SMARCA4: variants seen among roughly 807,000 people sequenced by gnomAD.
SMARCA4 encodes SWI/SNF-related matrix-associated actin-dependent regulator of chromatin subfamily A member 4.
A neutral mutation model predicts 193.9 loss-of-function variants in SMARCA4; 31 were observed. The ratio of observed to expected loss-of-function variants is 0.16; its 90% CI spans 0.12 to 0.22. The LOEUF (loss-of-function observed/expected upper bound fraction) is 0.22, where lower values mean the gene tolerates loss of function less well. Ranked by LOEUF, SMARCA4 falls within the 10% of genes least tolerant of loss-of-function variation. The pLI is 1.00. For synonymous variants in SMARCA4, 942 were observed against 933.1 expected (o/e 1.01, Z -0.17); for missense variants, 1,148 against 2,296.0 (o/e 0.50, Z 10.22).
In SMARCA4 at chr19:11,041,538, G is replaced by T. The variant is rs1600469287; in HGVS notation, c.4402G>T (p.Ala1468Ser). ...LTKKMKKIVD[A>S]VIKYKDSSSG... ...CAAGAAGATGAAGAAGATTGTGGATGCCGTGATCAAGTACAAGGACAGGTA... is the reference window on the plus strand; with the variant it reads ...CAAGAAGATGAAGAAGATTGTGGATTCCGTGATCAAGTACAAGGACAGGTA... The change falls in exon 30 of 35, where the codon GCC becomes TCC. Residue 1468 changes from alanine (A) to serine (S), a missense_variant. Ala to Ser is a moderately conservative substitution (Grantham distance 99, BLOSUM62 1). Around this residue, in one of 17 missense-constraint regions of SMARCA4, gnomAD observed 141 missense variants for 193.0 expected, o/e 0.73. Coordinates refer to ENST00000344626, the MANE Select transcript of SMARCA4 (RefSeq NM_003072.5). The surrounding 1 kb of genome is among the most constrained non-coding windows in gnomAD (Gnocchi z 5.6). 1 of 1,613,672 alleles carries T rather than the reference G, an allele frequency of 6.2e-7. No individual in the cohort carries two copies. Among genetic ancestry groups the T allele is most frequent in the Non-Finnish European group, 8.5e-7 (1 of 1,179,996 alleles).
chr19:10,962,279 G>A (rs2083871386), intron 1 of SMARCA4, among the ~76,000 whole-genome samples: 1 of 152,140 alleles, frequency 6.6e-6, no homozygotes, highest in South Asian at 2.1e-4. Flanking sequence ...TATTGTAATT[G>A]TCTGGTCCAA....
intron 16 of SMARCA4, among the ~76,000 whole-genome samples, chr19:11,016,786 C>T (rs2089405222): frequency 6.6e-6 from 1 of 152,116 alleles, no homozygotes; most frequent in Non-Finnish European, 1.5e-5. Context: ...TTTCAGTTGG[C>T]TCTTCTGTCC....
At chr19:10,963,263 C>T (rs1021188699) in intron 1 of SMARCA4, among the ~76,000 whole-genome samples, 1 of 150,802 alleles carries the variant, frequency 6.6e-6, no homozygotes, top group Non-Finnish European at 1.5e-5. Context: ...GTCCCAACTA[C>T]TCAGGAGGCT....
chr19:11,059,929 C>T (rs372031099), intron 33 of SMARCA4, 44 bp downstream of exon 33: 71 of 1,613,368 alleles, frequency 4.4e-5, no homozygotes, highest in Middle Eastern at 1.7e-4. Flanking sequence ...CACGCTGGCC[C>T]GAGAGCCCCC....
chr19:11,048,547 T>C (rs2076079249), intron 30 of SMARCA4, among the ~76,000 whole-genome samples: 1 of 152,224 alleles, frequency 6.6e-6, no homozygotes, highest in Admixed American at 6.5e-5. Flanking sequence ...CGTTGTCCTC[T>C]GGATTCGGTG....
chr19:11,054,092 T>C (rs919028679), intron 30 of SMARCA4, among the ~76,000 whole-genome samples: 7 of 152,194 alleles, frequency 4.6e-5, no homozygotes, highest in African/African-American at 1.4e-4. Context: ...TAGGGCCACA[T>C]TGTAGAATGG....
intron 30 of SMARCA4, among the ~76,000 whole-genome samples, chr19:11,057,788 A>G (rs1244072582): frequency 6.6e-6 from 1 of 152,056 alleles, no homozygotes; most frequent in Non-Finnish European, 1.5e-5. Flanking sequence ...TCTCTGGGAA[A>G]TGTTCCAGAA....
chr19:10,998,617 C>G (rs1392447934), intron 11 of SMARCA4, among the ~76,000 whole-genome samples: 1 of 151,490 alleles, frequency 6.6e-6, no homozygotes, highest in Admixed American at 6.6e-5. Flanking sequence ...GTAGGAAAAG[C>G]TTTCTCTTTG....
chr19:11,003,302 T>C (rs2146106134), intron 12 of SMARCA4, 38 bp from the exon 13 acceptor site: 1 of 1,606,748 alleles, frequency 6.2e-7, no homozygotes, highest in Non-Finnish European at 8.5e-7. Context: ...CTGCTGGCTC[T>C]GAGCAGATTT....
intron 25 of SMARCA4, chr19:11,032,299 G>C (rs927619276): frequency 2.6e-5 from 4 of 152,376 alleles, no homozygotes; most frequent in Admixed American, 2.6e-4. Context: ...TACTCACCCT[G>C]GTCCTGCAGC....
intron 23 of SMARCA4, among the ~76,000 whole-genome samples, chr19:11,026,889 CT>C (rs2090304405): frequency 2.6e-5 from 4 of 152,340 alleles, no homozygotes; most frequent in Admixed American, 2.6e-4. Context: ...ACAGATCCCA[CT>C]CTGCCGCCTC....
Position 11,059,793 on chromosome 19 carries a change from G to A in SMARCA4, c.4676G>A (p.Ser1559Asn), listed in dbSNP as rs2147113919. The A allele has an allele frequency of 6.2e-7, 1 of 1,606,110 alleles. No individual in the cohort carries two copies. The highest frequency in any genetic ancestry group is 8.5e-7 in the Non-Finnish European group (1 of 1,176,290). Reference sequence around the variant, plus strand: ...ATCGTCTTGCAGTCGGTCTTCACCAGCGTGCGGCAGAAAATCGAGAAGGAG... The same window carrying A: ...ATCGTCTTGCAGTCGGTCTTCACCAACGTGCGGCAGAAAATCGAGAAGGAG... ...DSIVLQSVFT[S>N]VRQKIEKEDD... is the part of the protein sequence containing the mutation. Residue 1559 changes from serine to asparagine, a missense_variant, in exon 33 of 35, where the codon AGC becomes AAC. By Grantham distance (46) the Ser-to-Asn change is conservative (BLOSUM62 1). Around this residue, in one of 17 missense-constraint regions of SMARCA4, gnomAD observed 105 missense variants for 133.7 expected, o/e 0.79. Transcript: ENST00000344626.
At position 10,985,166 on chromosome 19, in the gene SMARCA4, C is replaced by G. The variant is rs959068888; in HGVS notation, c.223-107C>G. On this transcript the variant is annotated intron_variant, in intron 2 of 34. Coordinates refer to ENST00000344626, the MANE Select transcript of SMARCA4 (RefSeq NM_003072.5). The surrounding 1 kb of genome is among the most constrained non-coding windows in gnomAD (Gnocchi z 4.5). ...GGACTGGGGAGATGCGCGTCATCTT[C>G]GGGTGGCTGTTCTCGGTGCCCTCGA... is the stretch of plus-strand genomic sequence containing the variant. The G allele has an allele frequency of 4.3e-6, 5 of 1,162,756 alleles. No homozygotes were observed. The Admixed American group carries it at 5.3e-5, about 12-fold the overall frequency. The allele number at this position is 1,162,756 out of a possible 1,614,324, so 72.0% of individuals were successfully genotyped here. A position where few individuals can be genotyped will look rare whatever the true frequency, so the allele number is the denominator to read the frequency against.
chr19:10,976,646 A>G (rs948760960), intron 1 of SMARCA4, among the ~76,000 whole-genome samples: 18 of 151,090 alleles, frequency 1.2e-4, no homozygotes, highest in African/African-American at 3.9e-4. Context: ...AGTCCCAGCT[A>G]CTCGGGAAGT....
chr19:10,970,835 A>G (rs529777359), intron 1 of SMARCA4, among the ~76,000 whole-genome samples: 1 of 152,346 alleles, frequency 6.6e-6, no homozygotes, highest in South Asian at 2.1e-4. Flanking sequence ...GTTCTCGGTT[A>G]TGAGAGTATA....
At chr19:11,026,214 C>A in intron 22 of SMARCA4, 86 bp from the exon 23 acceptor site, 1 of 1,083,706 alleles carries the variant, frequency 9.2e-7, no homozygotes, top group Non-Finnish European at 1.4e-6. Flanking sequence ...GCTTTGTCCT[C>A]TGAGCACGAG....
intron 30 of SMARCA4, among the ~76,000 whole-genome samples, chr19:11,057,198 T>C (rs978385832): frequency 6.6e-6 from 1 of 152,332 alleles, no homozygotes; most frequent in Admixed American, 6.5e-5. Context: ...GCGTTTGCCA[T>C]GCGTTCTCAT....
At chr19:11,025,367 C>G in intron 21 of SMARCA4, 55 bp from the exon 22 acceptor site, 2 of 1,256,532 alleles carry the variant, frequency 1.6e-6, no homozygotes, top group Admixed American at 1.7e-5. Flanking sequence ...CCACCAAGCC[C>G]ACCCCACCCC....
Position 11,031,084 on chromosome 19 carries a change from A to G in SMARCA4, c.3546+191A>G. The G allele has an allele frequency of 1.6e-6, 1 of 644,040 alleles. No individual in the cohort carries two copies. Among genetic ancestry groups the G allele is most frequent in the Non-Finnish European group, 2.8e-6 (1 of 356,284 alleles). 39.9% of individuals were successfully genotyped at this position (644,040 alleles called of 1,614,324 possible). ...GAGGCGGGGTCCTCCTGTTTCCCAA[A>G]ATACAAACAGCCTTTCCCTCTGATT... On this transcript the variant is annotated intron_variant, in intron 25 of 34. Transcript: ENST00000344626. The surrounding 1 kb of genome is among the most constrained non-coding windows in gnomAD (Gnocchi z 4.3).
Sources: gnomAD v4.1 joint callset for allele counts (sites outside exome capture counted in the v4.1 genomes callset) on GRCh38, gnomAD v4.1.1 for gene constraint, gnomAD v4.1.1 regional missense constraint, Gnocchi (gnomAD v3.1) non-coding constraint, MANE v1.5 for transcripts, NCBI Gene and HGNC (gene_info 2026-07-23, HGNC 2026-07-21) for gene names.